The following SLC6A14 variants were observed in gnomAD, a reference collection of about 807,000 sequenced individuals.
The protein encoded by SLC6A14 is solute carrier family 6 member 14.
SLC6A14 carries 21 observed loss-of-function variants against 51.4 expected under a neutral mutation model. The observed-to-expected ratio is 0.41, with a 90% CI of 0.29 to 0.59. SLC6A14 has a LOEUF of 0.59. Among genes scored for constraint, SLC6A14 ranks in the 20% least tolerant of loss-of-function variants. The pLI, the probability that SLC6A14 is intolerant of heterozygous loss-of-function variation, is 0.31. For missense variants in SLC6A14, 371 were observed against 472.8 expected, an observed-to-expected ratio of 0.78 and a Z score of 2.00; for synonymous variants, 177 against 160.7, an observed-to-expected ratio of 1.10 and a Z score of -0.77.
At chrX:116,442,034 G>A (rs1415208788) in intron 3 of SLC6A14, among the ~76,000 whole-genome samples, 1 of 111,339 alleles carries the variant, frequency 9.0e-6, no homozygotes, top group Non-Finnish European at 1.9e-5. Context: ...TGCATGATCT[G>A]ACAAGAATTT....
intron 2 of SLC6A14, among the ~76,000 whole-genome samples, chrX:116,439,289 A>G (rs1927547836): frequency 8.9e-6 from 1 of 111,894 alleles, no homozygotes. Context: ...TCTAAAATTT[A>G]ATATGCCGTA....
At position 116,454,203 on chromosome X, in the gene SLC6A14, CA is replaced by C. The variant is rs1221819155; in HGVS notation, c.1286-120del. On this transcript the variant is annotated intron_variant, in intron 9 of 13. Transcript: ENST00000598581. Reference sequence around the variant, plus strand: ...CCTGTGGGTTTTTAAAAGCAGGGAACAGGGCTCAGAGTCTATTTTCAACATA... The same window carrying C: ...CCTGTGGGTTTTTAAAAGCAGGGAACGGGCTCAGAGTCTATTTTCAACATA... 1.3e-5 allele frequency: 6 copies of C among 457,552 alleles called. No individual in the cohort carries two copies. In the East Asian group the frequency reaches 2.3e-4, roughly 17 times the overall value. The allele number at this position is 457,552 out of a possible 1,213,427, so 37.7% of individuals were successfully genotyped here.
chrX:116,453,986 A>G (rs1188169306), intron 9 of SLC6A14, among the ~76,000 whole-genome samples: 1 of 111,537 alleles, frequency 9.0e-6, no homozygotes, highest in Non-Finnish European at 1.9e-5. Context: ...CTGTTTCCAC[A>G]CCACTGATTC....
chrX:116,445,242 A>T (rs1354464349), intron 6 of SLC6A14, among the ~76,000 whole-genome samples, 192 bp downstream of exon 6: 2 of 110,772 alleles, frequency 1.8e-5, no homozygotes, highest in Non-Finnish European at 3.8e-5. Context: ...TACAAAACAA[A>T]CAAACAAAAT....
chrX:116,445,139 T>G (rs1556693924), intron 6 of SLC6A14, 89 bp downstream of exon 6: 1 of 930,416 alleles, frequency 1.1e-6, no homozygotes, highest in African/African-American at 2.0e-5. Flanking sequence ...GCATGTTTTT[T>G]TTCTATAATG....
At position 116,445,103 on chromosome X, in the gene SLC6A14, T is replaced by C. The variant is rs114229092; in HGVS notation, c.789+53T>C. The C allele has an allele frequency of 6.3e-4, 680 of 1,072,198 alleles. 3 individuals carry two copies. The highest frequency in any genetic ancestry group is 6.4e-4 in the Non-Finnish European group (515 of 809,484). 88.4% of individuals were successfully genotyped at this position (1,072,198 alleles called of 1,213,427 possible). A position where few individuals can be genotyped will look rare whatever the true frequency, so the allele number is the denominator to read the frequency against. On this transcript the variant is annotated intron_variant, in intron 6 of 13. Transcript: ENST00000598581. ...ATATAGCAGCTTTCCAATTTCATGG[T>C]AGTTCAATATCAAGCATTACCAAAA...
At chrX:116,450,471 A>G (rs1425878482) in intron 7 of SLC6A14, among the ~76,000 whole-genome samples, 1 of 111,779 alleles carries the variant, frequency 8.9e-6, no homozygotes, top group Non-Finnish European at 1.9e-5. Context: ...ACAATTTGGC[A>G]AGATTTAGTA....
intron 8 of SLC6A14, among the ~76,000 whole-genome samples, chrX:116,452,175 A>T (rs1927838003): frequency 9.0e-6 from 1 of 111,316 alleles, no homozygotes; most frequent in Non-Finnish European, 1.9e-5. Context: ...TTAAGTAGGG[A>T]TGCTTCATTA....
intron 6 of SLC6A14, 123 bp downstream of exon 6, chrX:116,445,173 C>T: frequency 3.0e-6 from 2 of 658,183 alleles, no homozygotes; most frequent in Non-Finnish European, 4.4e-6. Context: ...GTGTGAAAAG[C>T]TTTCTAAATA....
In SLC6A14 at chrX:116,460,559, C is replaced by CT. The variant is rs1224657556; in HGVS notation, c.*1618dup. The CT allele has an allele frequency of 0.082, 7,275 of 88,970 alleles. 365 individuals carry two copies. Among genetic ancestry groups the CT allele is most frequent in the African/African-American group, 0.14 (3,158 of 22,886 alleles). The allele number at this position is 88,970 out of a possible 1,213,427, so 7.3% of individuals were successfully genotyped here. The stretch of plus-strand genomic sequence containing the variant: ...TCTGAGGGTTTTCTTTTTCTTTTTC[C>CT]TTTTTTTTTTTTTTGGTGGGGGGCT... On this transcript the variant is annotated 3_prime_UTR_variant, in exon 14 of 14. Transcript: ENST00000598581.
intron 7 of SLC6A14, among the ~76,000 whole-genome samples, chrX:116,447,719 C>A: frequency 9.1e-6 from 1 of 110,378 alleles, no homozygotes; most frequent in Non-Finnish European, 1.9e-5. Context: ...ATTCAGCCGC[C>A]CAAGTAGCTG....
rs782069864 is a variant in SLC6A14, at chrX:116,455,443, G to A, written c.1591G>A (p.Val531Ile). 110 of 1,187,932 alleles carry A rather than the reference G, an allele frequency of 9.3e-5. No individual in the cohort carries two copies. The highest frequency in any genetic ancestry group is 1.2e-4 in the Non-Finnish European group (106 of 875,513). ...FWLWWRACWFVITPILLIAIF... is the reference protein window; with the variant it reads ...FWLWWRACWFIITPILLIAIF... ...GCTATGGTGGAGAGCTTGCTGGTTT[G>A]TAATTACGCCTATCCTTTTGATTGT... is the stretch of plus-strand genomic sequence containing the variant. The change falls in exon 12 of 14, where the codon GTA (valine) becomes ATA (isoleucine). Residue 531 changes from valine (V) to isoleucine (I), a missense_variant. Physicochemically the swap from Val to Ile is conservative, Grantham distance 29 (BLOSUM62 3). Around this residue, in one of 2 missense-constraint regions of SLC6A14, gnomAD observed 277 missense variants for 391.8 expected, o/e 0.71. Transcript: ENST00000598581.
intron 13 of SLC6A14, 90 bp downstream of exon 13, chrX:116,457,866 G>T: frequency 2.9e-6 from 2 of 685,759 alleles, no homozygotes; most frequent in Non-Finnish European, 4.4e-6. Context: ...ATATGAGATT[G>T]TATGAAATAC....
rs782400650 is a variant in SLC6A14, at chrX:116,458,826, C to T, written c.1800C>T (p.Cys600=). The T allele has an allele frequency of 1.3e-5, 15 of 1,189,293 alleles. No individual in the cohort carries two copies. Among genetic ancestry groups the T allele is most frequent in the Non-Finnish European group, 1.7e-5 (15 of 885,809 alleles). Residue 600 remains cysteine, a synonymous_variant, in exon 14 of 14, where the codon TGC becomes TGT. Coordinates refer to ENST00000598581, the MANE Select transcript of SLC6A14 (RefSeq NM_007231.5). ...CATTTCAGCGCCTTATAAGTTGCTG[C>T]AGACCAGCTTCTAACTGGGGTCCAT... ...GNIFQRLISC[C]RPASNWGPYL...
At chrX:116,452,676 G>A (rs782351948) in intron 8 of SLC6A14, among the ~76,000 whole-genome samples, 9 of 111,567 alleles carry the variant, frequency 8.1e-5, no homozygotes, top group African/African-American at 2.3e-4. Context: ...ACTAATTTAC[G>A]TTTCTGGAAT....
rs1401345135 is a variant in SLC6A14 at position 116,460,634 on chromosome X, TCTC to T, written c.*1680_*1682del. ...CCCGGGCTGGAGTGCAGTGGCATGA[TCTC>T]AGCTCACTGCAACCTCTGCCTTCTG... On this transcript the variant is annotated 3_prime_UTR_variant, in exon 14 of 14. Coordinates refer to ENST00000598581, the MANE Select transcript of SLC6A14 (RefSeq NM_007231.5). 9.4e-6 allele frequency: 1 copy of T among 105,904 alleles called. No individual in the cohort carries two copies. The highest frequency in any genetic ancestry group is 1.9e-5 in the Non-Finnish European group (1 of 51,631). 8.7% of individuals were successfully genotyped at this position (105,904 alleles called of 1,213,427 possible). A position where few individuals can be genotyped will look rare whatever the true frequency, so the allele number is the denominator to read the frequency against.
At chrX:116,447,148 C>T (rs1556694086) in intron 7 of SLC6A14, among the ~76,000 whole-genome samples, 1 of 111,226 alleles carries the variant, frequency 9.0e-6, no homozygotes, top group Non-Finnish European at 1.9e-5. Context: ...ATTTGACCAA[C>T]AAAATTTCAG....
rs181767905 is a variant in SLC6A14 at position 116,451,870 on chromosome X, G to A, written c.1159+200G>A. Among the ~76,000 whole-genome samples the A allele has an allele frequency of 5.5e-3, 614 of 111,643 alleles. 3 individuals carry two copies. Among genetic ancestry groups the A allele is most frequent in the African/African-American group, 0.018 (568 of 30,838 alleles). On this transcript the variant is annotated intron_variant, in intron 8 of 13. Transcript: ENST00000598581. ...ATCCATGTAAACAAGAGTATATTAA[G>A]GAAATATTGCTGAAGAAGATAGGAT...
chrX:116,446,687 A>T, intron 6 of SLC6A14, 54 bp from the exon 7 acceptor site: 1 of 982,937 alleles, frequency 1.0e-6, no homozygotes, highest in Non-Finnish European at 1.4e-6. Context: ...GTATACAGTT[A>T]TACACCATGA....
Sources: gnomAD v4.1 joint callset for allele counts (sites outside exome capture counted in the v4.1 genomes callset) on GRCh38, gnomAD v4.1.1 for gene constraint, gnomAD v4.1.1 regional missense constraint, MANE v1.5 for transcripts, NCBI Gene and HGNC (gene_info 2026-07-23, HGNC 2026-07-21) for gene names.